The following HTT-AS variants were observed in gnomAD, a reference collection of about 807,000 sequenced individuals.
The protein encoded by HTT-AS is HTT antisense RNA (head to head).
chr4:3,073,208 G>A (rs1712232537), intron 1 of HTT-AS, among the ~76,000 whole-genome samples: 1 of 152,254 alleles, frequency 6.6e-6, no homozygotes, highest in Non-Finnish European at 1.5e-5. Flanking sequence ...ACTCTGGGTT[G>A]CAGGTGTGGC....
At chr4:3,057,931 C>G (rs1711840986) in intron 2 of HTT-AS, among the ~76,000 whole-genome samples, 1 of 151,468 alleles carries the variant, frequency 6.6e-6, no homozygotes, top group South Asian at 2.1e-4. Flanking sequence ...CTGATTATTT[C>G]TTGATTATAT....
At chr4:3,061,568 G>C (rs533544142) in intron 2 of HTT-AS, among the ~76,000 whole-genome samples, 2 of 151,910 alleles carry the variant, frequency 1.3e-5, no homozygotes, top group African/African-American at 4.8e-5. Context: ...TGTAATCCCA[G>C]CTACTCGGGA....
At chr4:3,073,922 A>G (rs1438973085) in intron 1 of HTT-AS, among the ~76,000 whole-genome samples, 2 of 152,102 alleles carry the variant, frequency 1.3e-5, no homozygotes, top group African/African-American at 2.4e-5. Flanking sequence ...CTCGGCTCAG[A>G]GTCCACGGCC....
At chr4:3,068,324 AAAAAAAAAAG>A (rs1417527566) in intron 1 of HTT-AS, among the ~76,000 whole-genome samples, 2,249 of 149,798 alleles carry the variant, frequency 0.015, 43 homozygotes, top group Middle Eastern at 0.024. Flanking sequence ...AAAAAAAAAA[AAAAAAAAAAG>A]GGTGACGAAG....
intron 1 of HTT-AS, among the ~76,000 whole-genome samples, chr4:3,072,195 G>T (rs982200030): frequency 1.3e-5 from 2 of 152,242 alleles, no homozygotes; most frequent in Non-Finnish European, 2.9e-5. Context: ...AGCCGGGGAA[G>T]GGTCCCTTTC....
intron 2 of HTT-AS, among the ~76,000 whole-genome samples, chr4:3,058,720 C>CT (rs57201001): frequency 0.44 from 64,828 of 147,160 alleles, 14,532 homozygotes; most frequent in South Asian, 0.69. Flanking sequence ...TTTTACATTT[C>CT]TTTTTTTTTT....
chr4:3,056,282 G>A (rs1711803611), intron 2 of HTT-AS, among the ~76,000 whole-genome samples: 1 of 152,230 alleles, frequency 6.6e-6, no homozygotes, highest in African/African-American at 2.4e-5. Flanking sequence ...CAGATTCAGA[G>A]AGACTCCAGG....
At chr4:3,057,069 T>C (rs1711816452) in intron 2 of HTT-AS, among the ~76,000 whole-genome samples, 1 of 151,916 alleles carries the variant, frequency 6.6e-6, no homozygotes, top group Non-Finnish European at 1.5e-5. Flanking sequence ...AGTCTCGCTC[T>C]GTCGCCCAGG....
chr4:3,055,749 TCCTA>T (rs750580265), intron 2 of HTT-AS, among the ~76,000 whole-genome samples: 2 of 152,188 alleles, frequency 1.3e-5, no homozygotes, highest in Non-Finnish European at 2.9e-5. Context: ...AATGATTTTT[TCCTA>T]CCTAAGTGTG....
intron 2 of HTT-AS, among the ~76,000 whole-genome samples, chr4:3,054,473 G>A (rs374685970): frequency 6.6e-6 from 1 of 152,124 alleles, no homozygotes; most frequent in East Asian, 1.9e-4. Context: ...AGAGTGAAAT[G>A]TGTTTTTGGT....
chr4:3,046,416 G>C (rs536083830), downstream of HTT-AS, among the ~76,000 whole-genome samples: 3 of 152,330 alleles, frequency 2.0e-5, no homozygotes, highest in African/African-American at 7.2e-5. Context: ...ACTGCCACAG[G>C]TGCAGACTCC....
At chr4:3,057,667 C>G (rs6824519) in intron 2 of HTT-AS, among the ~76,000 whole-genome samples, 8,214 of 151,844 alleles carry the variant, frequency 0.054, 396 homozygotes, top group African/African-American at 0.12. Context: ...ACAGAGTCTC[C>G]CTTTGTTGCC....
chr4:3,048,734 G>A (rs748779308), downstream of HTT-AS, among the ~76,000 whole-genome samples: 3 of 152,204 alleles, frequency 2.0e-5, no homozygotes, highest in Non-Finnish European at 2.9e-5. Flanking sequence ...AAAGTCTGTT[G>A]TGTAACTATA....
At chr4:3,047,267 C>T (rs1433267187), downstream of HTT-AS, among the ~76,000 whole-genome samples, 3 of 152,042 alleles carry the variant, frequency 2.0e-5, no homozygotes, top group South Asian at 2.1e-4. Context: ...GCCGAGATTG[C>T]GCCACTGCCC....
At chr4:3,054,677 T>A (rs1267591498) in intron 2 of HTT-AS, among the ~76,000 whole-genome samples, 1 of 152,144 alleles carries the variant, frequency 6.6e-6, no homozygotes, top group African/African-American at 2.4e-5. Flanking sequence ...TTCCAGAAAT[T>A]GAACATTGAA....
intron 2 of HTT-AS, among the ~76,000 whole-genome samples, chr4:3,057,659 AG>A (rs1347473646): frequency 6.6e-6 from 1 of 152,090 alleles, no homozygotes; most frequent in African/African-American, 2.4e-5. Flanking sequence ...TTTTTGAGAC[AG>A]AGTCTCCCTT....
At chr4:3,058,661 A>G (rs1711855670) in intron 2 of HTT-AS, among the ~76,000 whole-genome samples, 1 of 151,900 alleles carries the variant, frequency 6.6e-6, no homozygotes, top group Non-Finnish European at 1.5e-5. Flanking sequence ...GCCCCTATTC[A>G]AGATGAAGTT....
intron 2 of HTT-AS, among the ~76,000 whole-genome samples, chr4:3,058,901 G>T (rs1201722976): frequency 6.6e-6 from 1 of 151,980 alleles, no homozygotes; most frequent in Non-Finnish European, 1.5e-5. Flanking sequence ...TGTGTTTTTA[G>T]TAGAGATGGG....
chr4:3,051,030 T>TTGTG (rs59615689), intron 2 of HTT-AS, among the ~76,000 whole-genome samples: 17,805 of 122,274 alleles, frequency 0.15, 1,440 homozygotes, highest in Admixed American at 0.24. Context: ...CCCTTACAAT[T>TTGTG]TGTGTGTGTG....
Sources: gnomAD v4.1 joint callset for allele counts (sites outside exome capture counted in the v4.1 genomes callset) on GRCh38, gnomAD v4.1.1 for gene constraint, MANE v1.5 for transcripts, NCBI Gene and HGNC (gene_info 2026-07-23, HGNC 2026-07-21) for gene names.